The following AAK1 variants were observed in gnomAD, a reference collection of about 807,000 sequenced individuals.
AAK1 encodes the protein AP2 associated kinase 1.
In AAK1, 37 loss-of-function variants were observed where a neutral mutation model predicts 116.0. That is an observed-to-expected ratio of 0.32 (90% CI 0.25 to 0.42). The LOEUF is 0.42. Ranked by LOEUF, AAK1 falls within the 10% of genes least tolerant of loss-of-function variation. The probability of loss-of-function intolerance (pLI) is 1.00; values close to 1 mark genes in which losing one functional copy is unlikely to be tolerated. For missense variants in AAK1, 919 were observed against 1,170.6 expected (o/e 0.79, Z 3.14); for synonymous variants, 458 against 439.9 (o/e 1.04, Z -0.51).
chr2:69,545,736 G>C (rs1293413476), intron 3 of AAK1, among the ~76,000 whole-genome samples: 1 of 152,176 alleles, frequency 6.6e-6, no homozygotes, highest in Non-Finnish European at 1.5e-5. Flanking sequence ...TGCAACAAAA[G>C]TTCAGACAAA....
At chr2:69,604,801 T>G (rs1000217418) in intron 2 of AAK1, among the ~76,000 whole-genome samples, 1 of 152,066 alleles carries the variant, frequency 6.6e-6, no homozygotes, top group Non-Finnish European at 1.5e-5. Flanking sequence ...CACCCCAGCC[T>G]CTCTGCATGG....
chr2:69,642,837 G>A, intron 2 of AAK1, 41 bp downstream of exon 2: 1 of 1,612,294 alleles, frequency 6.2e-7, no homozygotes, highest in Non-Finnish European at 8.5e-7. Flanking sequence ...TGCCGCATCA[G>A]CACAAGATTT....
At chr2:69,532,211 C>T (rs1468388864) in intron 5 of AAK1, 49 bp from the exon 6 acceptor site, 8 of 1,602,564 alleles carry the variant, frequency 5.0e-6, no homozygotes, top group Non-Finnish European at 6.8e-6. Context: ...TTTAGTAATG[C>T]ACGTGAAAAT....
intron 2 of AAK1, among the ~76,000 whole-genome samples, chr2:69,558,539 T>C (rs909148256): frequency 3.3e-5 from 5 of 152,148 alleles, no homozygotes; most frequent in African/African-American, 1.2e-4. Context: ...TTGGAGTAAG[T>C]AGCAGTTACA....
In AAK1 at chr2:69,475,591, T is replaced by C. The variant is rs1674825133; in HGVS notation, c.*278A>G. On this transcript the variant is annotated 3_prime_UTR_variant, in exon 22 of 22. Transcript: ENST00000409085. ...TTGATTCCAGCAGAGGTGAAGCTCA[T>C]GGCATCTAGTGCTTGATTTAAGATA... 8.6e-7 allele frequency: 1 copy of C among 1,167,750 alleles called. No homozygotes were observed. The highest frequency in any genetic ancestry group is 1.1e-6 in the Non-Finnish European group (1 of 942,836). The allele number at this position is 1,167,750 out of a possible 1,614,324, so 72.3% of individuals were successfully genotyped here. A position where few individuals can be genotyped will look rare whatever the true frequency, so the allele number is the denominator to read the frequency against.
At chr2:69,565,304 T>A (rs558156709) in intron 2 of AAK1, among the ~76,000 whole-genome samples, 1 of 152,326 alleles carries the variant, frequency 6.6e-6, no homozygotes, top group South Asian at 2.1e-4. Context: ...AGCTCCTGAT[T>A]TAAAAATCAG....
At chr2:69,476,857 C>G in intron 21 of AAK1, 23 bp downstream of exon 21, 1 of 1,579,594 alleles carries the variant, frequency 6.3e-7, no homozygotes, top group Non-Finnish European at 8.7e-7. Flanking sequence ...AAGCTCTTCT[C>G]TTTTCCCCAT....
chr2:69,518,842 G>A (rs1676701596), intron 12 of AAK1, 112 bp downstream of exon 12: 2 of 1,400,192 alleles, frequency 1.4e-6, no homozygotes, highest in Admixed American at 5.6e-5. Flanking sequence ...ACATCTATGA[G>A]AAACAGTGAT....
intron 4 of AAK1, 170 bp downstream of exon 4, chr2:69,544,266 G>A (rs17036766): frequency 0.044 from 25,769 of 586,258 alleles, 3,379 homozygotes; most frequent in African/African-American, 0.34. Flanking sequence ...CGTTTGTACC[G>A]TTATAAGAAT....
At position 69,474,315 on chromosome 2, in the gene AAK1, A is replaced by G. The variant is rs2104878666; in HGVS notation, c.*1554T>C. On this transcript the variant is annotated 3_prime_UTR_variant, in exon 22 of 22. Coordinates refer to ENST00000409085, the MANE Select transcript of AAK1 (RefSeq NM_014911.5). ...AAGAGTTTCCCTTTTGATGATGGAC[A>G]ATGGCACTAGAGGAAAAGAACAGGA... The G allele has an allele frequency of 6.1e-6, 6 of 985,888 alleles. No individual in the cohort carries two copies. The highest frequency in any genetic ancestry group is 7.2e-6 in the Non-Finnish European group (6 of 829,938). The allele number at this position is 985,888 out of a possible 1,614,324, so 61.1% of individuals were successfully genotyped here. A position where few individuals can be genotyped will look rare whatever the true frequency, so the allele number is the denominator to read the frequency against.
At chr2:69,586,390 C>A (rs1459088845) in intron 2 of AAK1, among the ~76,000 whole-genome samples, 1 of 152,062 alleles carries the variant, frequency 6.6e-6, no homozygotes, top group African/African-American at 2.4e-5. Flanking sequence ...AGGCAACTTA[C>A]CACAGTGTTG....
chr2:69,480,838 G>A (rs1431590667), intron 19 of AAK1, 22 bp downstream of exon 19: 9 of 1,567,924 alleles, frequency 5.7e-6, no homozygotes, highest in Non-Finnish European at 6.9e-6. Context: ...AGTCCCTGCA[G>A]CTGCAGAGAC....
At position 69,566,828 on chromosome 2, in the gene AAK1, T is replaced by C. The variant is rs148546805; in HGVS notation, c.164-9850A>G. The stretch of plus-strand genomic sequence containing the variant: ...TTACTGCACCTAGAACCACAGCACA[T>C]TGGGCCTGGGCTATCAGCTAAGGCT... On this transcript the variant is annotated intron_variant, in intron 2 of 21. Coordinates refer to ENST00000409085, the MANE Select transcript of AAK1 (RefSeq NM_014911.5). Among the ~76,000 whole-genome samples, 522 of 152,276 alleles carry C rather than the reference T, an allele frequency of 3.4e-3. 4 individuals are homozygous for C. Among genetic ancestry groups the C allele is most frequent in the African/African-American group, 0.012 (493 of 41,556 alleles).
chr2:69,539,400 T>C (rs1021324700), intron 5 of AAK1, among the ~76,000 whole-genome samples: 6 of 146,540 alleles, frequency 4.1e-5, no homozygotes, highest in African/African-American at 1.4e-4. Flanking sequence ...CCATTTGACA[T>C]GGAAGGGGTG....
chr2:69,566,273 C>G (rs1671862582), intron 2 of AAK1, among the ~76,000 whole-genome samples: 1 of 152,020 alleles, frequency 6.6e-6, no homozygotes, highest in Admixed American at 6.6e-5. Flanking sequence ...AAAGCTTTTT[C>G]CAGGAGAAAA....
At position 69,472,015 on chromosome 2, in the gene AAK1, T is replaced by C; in HGVS notation, c.*3854A>G. Reference sequence around the variant, plus strand: ...AATTCAGGAAGAGCGAAGTCCAATATCAAATAACACTGAACAAAGTGACAA... The same window carrying C: ...AATTCAGGAAGAGCGAAGTCCAATACCAAATAACACTGAACAAAGTGACAA... On this transcript the variant is annotated 3_prime_UTR_variant, in exon 22 of 22. Coordinates refer to ENST00000409085, the MANE Select transcript of AAK1 (RefSeq NM_014911.5). 1.0e-6 allele frequency: 1 copy of C among 985,358 alleles called. No individual in the cohort carries two copies. The highest frequency in any genetic ancestry group is 1.2e-6 in the Non-Finnish European group (1 of 829,890). 61.0% of individuals were successfully genotyped at this position (985,358 alleles called of 1,614,324 possible).
At chr2:69,507,863 C>T (rs1421363392) in intron 14 of AAK1, among the ~76,000 whole-genome samples, 1 of 152,068 alleles carries the variant, frequency 6.6e-6, no homozygotes, top group Non-Finnish European at 1.5e-5. Context: ...CATGCCACCA[C>T]GCCTGGCTAA....
chr2:69,595,057 A>G (rs1572990225), intron 2 of AAK1: 1 of 729,270 alleles, frequency 1.4e-6, no homozygotes, highest in African/African-American at 1.7e-5. Context: ...AACGTTCACC[A>G]TGTTTGCGTG....
rs1402529070 is a variant in AAK1, at chr2:69,473,450, G to C, written c.*2419C>G. ...ATATGTGTTCCTTAACAGAAAAATAGTTCTCCCCTTTGAGGAGGCCTTACT... is the reference window on the plus strand; with the variant it reads ...ATATGTGTTCCTTAACAGAAAAATACTTCTCCCCTTTGAGGAGGCCTTACT... On this transcript the variant is annotated 3_prime_UTR_variant, in exon 22 of 22. Coordinates refer to ENST00000409085, the MANE Select transcript of AAK1 (RefSeq NM_014911.5). 1 of 985,286 alleles carries C rather than the reference G, an allele frequency of 1.0e-6. No individual in the cohort carries two copies. The highest frequency in any genetic ancestry group is 1.7e-5 in the African/African-American group (1 of 57,232). 61.0% of individuals were successfully genotyped at this position (985,286 alleles called of 1,614,324 possible).
Sources: allele counts gnomAD v4.1 joint callset (sites outside exome capture counted in the v4.1 genomes callset), GRCh38; gene constraint gnomAD v4.1.1; transcripts MANE v1.5; gene names NCBI Gene and HGNC (gene_info 2026-07-23, HGNC 2026-07-21).